Variants in CRYM observed in about 807,000 individuals in gnomAD.
CRYM encodes ketimine reductase mu-crystallin.
CRYM carries 18 observed loss-of-function variants against 32.9 expected under a neutral mutation model. That is an observed-to-expected ratio of 0.55 (90% confidence interval 0.38 to 0.81). CRYM has a LOEUF of 0.81. Among genes scored for constraint, CRYM ranks in the 30% least tolerant of loss-of-function variants. CRYM has a pLI of 0.00. For missense variants in CRYM, 337 were observed against 393.5 expected (o/e 0.86, Z 1.21); for synonymous variants, 153 against 152.4 (o/e 1.00, Z -0.03).
chr16:21,279,484 G>T (rs991397244), upstream of CRYM, among the ~76,000 whole-genome samples: 1 of 152,220 alleles, frequency 6.6e-6, no homozygotes, highest in African/African-American at 2.4e-5. Flanking sequence ...GGAACAGTGA[G>T]TTGCCAGATG....
At chr16:21,289,000 T>C (rs1163706546) in intron 1 of CRYM, among the ~76,000 whole-genome samples, 4 of 152,220 alleles carry the variant, frequency 2.6e-5, no homozygotes, top group African/African-American at 9.6e-5. Flanking sequence ...ACTTGTTTTG[T>C]GGCCTAATTA....
chr16:21,292,426 T>G (rs1438340656), intron 1 of CRYM, among the ~76,000 whole-genome samples: 8 of 152,134 alleles, frequency 5.3e-5, no homozygotes, highest in African/African-American at 1.2e-4. Context: ...AAAGATGACT[T>G]GAGATAATGG....
At chr16:21,301,977 G>C (rs1324043666) in intron 1 of CRYM, among the ~76,000 whole-genome samples, 1 of 152,202 alleles carries the variant, frequency 6.6e-6, no homozygotes, top group East Asian at 1.9e-4. Flanking sequence ...AGGCCCACCC[G>C]CTAGCCGCGA....
chr16:21,268,962 G>A (rs1223671792), intron 4 of CRYM, among the ~76,000 whole-genome samples: 1 of 151,988 alleles, frequency 6.6e-6, no homozygotes, highest in Non-Finnish European at 1.5e-5. Context: ...TGGCCAACAT[G>A]GTGAAACCCC....
chr16:21,280,920 C>T (rs1243959291), upstream of CRYM, among the ~76,000 whole-genome samples: 2 of 152,038 alleles, frequency 1.3e-5, no homozygotes, highest in Non-Finnish European at 2.9e-5. Context: ...GCCTGGCCAA[C>T]GTGATGAAAC....
Position 21,266,822 on chromosome 16 carries a change from T to C in CRYM, c.673+732A>G, listed in dbSNP as rs375745964. Among the ~76,000 whole-genome samples the C allele has an allele frequency of 7.9e-5, 12 of 152,008 alleles. No homozygotes were observed. The East Asian group carries it at 2.3e-3, about 30-fold the overall frequency. On this transcript the variant is annotated intron_variant, in intron 5 of 7. Transcript: ENST00000572914. ...GAGTTCGAGACCAGCCTGGCCAACA[T>C]GGTGAAACCTTGTCTCTACCAAAAA...
At chr16:21,272,162 C>T (rs776374714) in intron 3 of CRYM, among the ~76,000 whole-genome samples, 3 of 151,972 alleles carry the variant, frequency 2.0e-5, no homozygotes, top group Non-Finnish European at 2.9e-5. Context: ...TGCACCCAGC[C>T]GATTTTTAAT....
chr16:21,269,917 A>C (rs373449181), intron 3 of CRYM, 26 bp from the exon 4 acceptor site: 47 of 1,517,942 alleles, frequency 3.1e-5, no homozygotes, highest in Non-Finnish European at 8.2e-6. Flanking sequence ...GAAGTGGCAA[A>C]GGTCAAGGGA....
intron 1 of CRYM, among the ~76,000 whole-genome samples, chr16:21,290,282 T>C (rs1960603688): frequency 6.6e-6 from 1 of 152,192 alleles, no homozygotes. Context: ...GTAGGCTTCA[T>C]TCCTTAAGTC....
At chr16:21,293,343 G>A (rs1010048593) in intron 1 of CRYM, among the ~76,000 whole-genome samples, 5 of 152,200 alleles carry the variant, frequency 3.3e-5, no homozygotes, top group African/African-American at 1.2e-4. Context: ...AAGCAAATCT[G>A]AGTGCTACAG....
At chr16:21,262,247 A>C (rs1407355038) in intron 5 of CRYM, 89 bp from the exon 6 acceptor site, 4 of 1,523,676 alleles carry the variant, frequency 2.6e-6, no homozygotes, top group Non-Finnish European at 3.6e-6. Flanking sequence ...TGAACAAAGG[A>C]CTCGTGAACA....
At chr16:21,258,943 T>C in intron 7 of CRYM, 98 bp from the exon 8 acceptor site, 4 of 926,196 alleles carry the variant, frequency 4.3e-6, no homozygotes, top group South Asian at 3.9e-5. Context: ...CATGTCCATG[T>C]TGCCAATGCC....
intron 1 of CRYM, among the ~76,000 whole-genome samples, chr16:21,291,088 CTGTT>C (rs1226633499): frequency 3.3e-5 from 5 of 152,186 alleles, no homozygotes; most frequent in East Asian, 1.9e-4. Flanking sequence ...TTAATTTTCT[CTGTT>C]TAATTTTATC....
At chr16:21,272,926 C>T (rs1048704914) in intron 3 of CRYM, among the ~76,000 whole-genome samples, 7 of 147,590 alleles carry the variant, frequency 4.7e-5, no homozygotes, top group Non-Finnish European at 5.9e-5. Context: ...CCTCAGCCTC[C>T]CAAAGTGCTG....
At chr16:21,289,123 G>A (rs995312346) in intron 1 of CRYM, among the ~76,000 whole-genome samples, 3 of 152,026 alleles carry the variant, frequency 2.0e-5, no homozygotes, top group African/African-American at 7.2e-5. Context: ...TTATTTTGTT[G>A]TTCATATCTT....
Position 21,277,628 on chromosome 16 carries a change from C to G in CRYM, c.171-44G>C, listed in dbSNP as rs1173718414. 4 of 1,607,544 alleles carry G rather than the reference C, an allele frequency of 2.5e-6. No individual in the cohort carries two copies. Among genetic ancestry groups the G allele is most frequent in the Non-Finnish European group, 3.4e-6 (4 of 1,176,680 alleles). ...CAGCTTCAGCCCCTTCCCATCAATG[C>G]TGGGGTCTCTTAGAAAGTATCCATA... On this transcript the variant is annotated intron_variant, in intron 1 of 7. Coordinates refer to ENST00000572914, the MANE Select transcript of CRYM (RefSeq NM_001376256.1). The surrounding 1 kb of genome is among the most constrained non-coding windows in gnomAD (Gnocchi z 4.2).
chr16:21,268,684 C>T (rs983270855), intron 4 of CRYM: 2 of 152,030 alleles, frequency 1.3e-5, no homozygotes, highest in African/African-American at 2.4e-5. Context: ...AATTAGATAA[C>T]CTGAAAAGTG....
chr16:21,267,549 C>T lies in CRYM; in HGVS notation c.673+5G>A. 1 of 1,613,468 alleles carries T rather than the reference C, an allele frequency of 6.2e-7. No individual in the cohort carries two copies. Among genetic ancestry groups the T allele is most frequent in the Non-Finnish European group, 8.5e-7 (1 of 1,180,012 alleles). ...CATCATGCCTTATGGAGCCACTCTACTTACCATTGATGTGAGCCCCTGGCT... is the reference window on the plus strand; with the variant it reads ...CATCATGCCTTATGGAGCCACTCTATTTACCATTGATGTGAGCCCCTGGCT... On this transcript the variant is annotated splice_donor_5th_base_variant and intron_variant, in intron 5 of 7. Coordinates refer to ENST00000572914, the MANE Select transcript of CRYM (RefSeq NM_001376256.1).
upstream of CRYM, chr16:21,278,615 G>C: frequency 3.2e-6 from 1 of 314,206 alleles, no homozygotes; most frequent in South Asian, 3.7e-5. Context: ...TTTTGCTGCT[G>C]TCTAGGTCAC....
Sources: gnomAD v4.1 joint callset for allele counts (sites outside exome capture counted in the v4.1 genomes callset) on GRCh38, gnomAD v4.1.1 for gene constraint, Gnocchi (gnomAD v3.1) non-coding constraint, MANE v1.5 for transcripts, NCBI Gene and HGNC (gene_info 2026-07-23, HGNC 2026-07-21) for gene names.